Variants in PDE4B observed in about 807,000 individuals in gnomAD.
PDE4B encodes 3',5'-cyclic-AMP phosphodiesterase 4B.
A neutral mutation model predicts 82.2 loss-of-function variants in PDE4B; 20 were observed. The observed-to-expected ratio is 0.24, with a 90% confidence interval of 0.17 to 0.35. The LOEUF is 0.35. PDE4B is among the 10% of genes least tolerant of loss of function. The pLI is 1.00. For missense variants in PDE4B, 655 were observed against 907.2 expected (o/e 0.72, Z 3.57); for synonymous variants, 320 against 318.9 (o/e 1.00, Z -0.04).
intron 3 of PDE4B, among the ~76,000 whole-genome samples, chr1:66,064,808 A>C (rs1333891970): frequency 6.6e-6 from 1 of 151,946 alleles, no homozygotes; most frequent in Non-Finnish European, 1.5e-5. Context: ...CATTTACTAA[A>C]AAATATTCTG....
At chr1:66,296,107 T>A (rs1366965507) in intron 7 of PDE4B, among the ~76,000 whole-genome samples, 1 of 152,168 alleles carries the variant, frequency 6.6e-6, no homozygotes, top group African/African-American at 2.4e-5. Context: ...TTCTGCACTC[T>A]CCTGAGCATC....
intron 3 of PDE4B, among the ~76,000 whole-genome samples, chr1:65,994,995 A>G (rs149981861): frequency 1.5e-3 from 233 of 152,280 alleles, no homozygotes; most frequent in African/African-American, 4.4e-3. Context: ...AAAAGGAACA[A>G]TTAAATGGTA....
At chr1:66,235,197 C>T (rs1461992392) in intron 3 of PDE4B, among the ~76,000 whole-genome samples, 4 of 152,102 alleles carry the variant, frequency 2.6e-5, no homozygotes, top group Admixed American at 6.6e-5. Context: ...TGACGTTTCA[C>T]GTGCACTTGA....
intron 3 of PDE4B, among the ~76,000 whole-genome samples, chr1:65,925,463 C>A (rs1370372178): frequency 1.3e-5 from 2 of 152,108 alleles, no homozygotes; most frequent in African/African-American, 4.8e-5. Context: ...AAACCAGGAA[C>A]AAAATCAAGA....
At chr1:66,298,091 C>T (rs1408437255) in intron 7 of PDE4B, among the ~76,000 whole-genome samples, 13 of 152,126 alleles carry the variant, frequency 8.5e-5, no homozygotes, top group Admixed American at 7.9e-4. Flanking sequence ...AAGAGAGTGG[C>T]AAATCCTATA....
In PDE4B at chr1:66,232,991, G is replaced by A. The variant is rs961950190; in HGVS notation, c.282-14469G>A. ...TCTTTTTAAAACACGTATTTATAAG[G>A]TACAAATGACATGCCAAAAATGCAC... On this transcript the variant is annotated intron_variant, in intron 3 of 16. Coordinates refer to ENST00000341517, the MANE Select transcript of PDE4B (RefSeq NM_002600.4). 4.6e-5 allele frequency among the ~76,000 whole-genome samples: 7 copies of A among 152,180 alleles called. No individual in the cohort carries two copies. In the East Asian group the frequency reaches 1.4e-3, roughly 29 times the overall value.
intron 1 of PDE4B, among the ~76,000 whole-genome samples, chr1:65,837,621 A>G (rs1646155085): frequency 6.6e-6 from 1 of 152,160 alleles, no homozygotes; most frequent in Non-Finnish European, 1.5e-5. Flanking sequence ...AACAAAAACA[A>G]AAAATACTAT....
intron 3 of PDE4B, among the ~76,000 whole-genome samples, chr1:65,923,221 G>C (rs1647315203): frequency 6.6e-6 from 1 of 152,168 alleles, no homozygotes; most frequent in Non-Finnish European, 1.5e-5. Context: ...CATAGGAATT[G>C]TATTCGTATA....
chr1:66,122,886 A>G (rs1026348536), intron 3 of PDE4B, among the ~76,000 whole-genome samples: 5 of 151,160 alleles, frequency 3.3e-5, no homozygotes, highest in African/African-American at 7.3e-5. Context: ...TTGTATTTTT[A>G]GTAGAGATGG....
chr1:66,023,952 A>T (rs1418978782), intron 3 of PDE4B, among the ~76,000 whole-genome samples: 1 of 152,094 alleles, frequency 6.6e-6, no homozygotes, highest in Non-Finnish European at 1.5e-5. Context: ...CTCAGAAAGA[A>T]AAAGAAAAAA....
At chr1:66,266,657 C>A (rs754810280) in intron 7 of PDE4B, 8 of 515,874 alleles carry the variant, frequency 1.6e-5, no homozygotes, top group Admixed American at 4.1e-5. Flanking sequence ...AAGAACCTAA[C>A]CTCTCATCTT....
chr1:65,831,973 C>T (rs1168602258), intron 1 of PDE4B, among the ~76,000 whole-genome samples: 1 of 152,166 alleles, frequency 6.6e-6, no homozygotes, highest in Non-Finnish European at 1.5e-5. Context: ...AGAAGAACTT[C>T]TGTTGTGACC....
intron 1 of PDE4B, among the ~76,000 whole-genome samples, chr1:65,889,311 G>C (rs967382003): frequency 6.6e-6 from 1 of 151,866 alleles, no homozygotes; most frequent in Non-Finnish European, 1.5e-5. Context: ...TTATCTTTTT[G>C]ATGTACTGTT....
intron 7 of PDE4B, among the ~76,000 whole-genome samples, chr1:66,331,548 A>T (rs1206835506): frequency 6.6e-6 from 1 of 152,250 alleles, no homozygotes; most frequent in Non-Finnish European, 1.5e-5. Context: ...CTAGCAAAAA[A>T]ATGTGATTTT....
chr1:66,235,044 A>T (rs1652297221), intron 3 of PDE4B, among the ~76,000 whole-genome samples: 1 of 152,174 alleles, frequency 6.6e-6, no homozygotes, highest in Non-Finnish European at 1.5e-5. Flanking sequence ...TTAGTTTACA[A>T]ATGCCTGGGG....
At chr1:65,951,781 TCC>T (rs1649013538) in intron 3 of PDE4B, among the ~76,000 whole-genome samples, 1 of 152,086 alleles carries the variant, frequency 6.6e-6, no homozygotes, top group Admixed American at 6.6e-5. Context: ...CATATATAGA[TCC>T]CAATGTTCTT....
At chr1:65,862,117 G>C (rs1043411967) in intron 1 of PDE4B, among the ~76,000 whole-genome samples, 1 of 152,060 alleles carries the variant, frequency 6.6e-6, no homozygotes, top group South Asian at 2.1e-4. Context: ...GGGCATCCTT[G>C]TCTTATACCA....
At chr1:66,286,894 C>A (rs1656715612) in intron 7 of PDE4B, among the ~76,000 whole-genome samples, 1 of 151,968 alleles carries the variant, frequency 6.6e-6, no homozygotes, top group African/African-American at 2.4e-5. Flanking sequence ...TAATGTATGC[C>A]CCCCCATGGT....
At chr1:65,905,104 A>G (rs1647014659) in intron 1 of PDE4B, among the ~76,000 whole-genome samples, 1 of 152,166 alleles carries the variant, frequency 6.6e-6, no homozygotes, top group Admixed American at 6.6e-5. Context: ...ATTGCTTGGC[A>G]CAAGAGATAT....
Sources: allele counts gnomAD v4.1 joint callset (sites outside exome capture counted in the v4.1 genomes callset), GRCh38; gene constraint gnomAD v4.1.1; transcripts MANE v1.5; gene names NCBI Gene and HGNC (gene_info 2026-07-23, HGNC 2026-07-21).